DYRK1A: variants seen among roughly 807,000 people sequenced by gnomAD.
The protein encoded by DYRK1A is dual specificity tyrosine-phosphorylation-regulated kinase 1A.
In DYRK1A, 9 loss-of-function variants were observed where a neutral mutation model predicts 79.7. That is an observed-to-expected ratio of 0.11 (90% CI 0.07 to 0.20). DYRK1A has a LOEUF of 0.20. Among genes scored for constraint, DYRK1A ranks in the 10% least tolerant of loss-of-function variants. The pLI, the probability that DYRK1A is intolerant of heterozygous loss-of-function variation, is 1.00. For synonymous variants in DYRK1A, 349 were observed against 329.7 expected (o/e 1.06, Z -0.63); for missense variants, 622 against 956.0 (o/e 0.65, Z 4.61).
At chr21:37,425,179 C>T (rs984507902) in intron 2 of DYRK1A, among the ~76,000 whole-genome samples, 4 of 152,138 alleles carry the variant, frequency 2.6e-5, no homozygotes, top group African/African-American at 4.8e-5. Context: ...TCCTGAAGGT[C>T]AGGGGGTTAA....
At chr21:37,369,680 G>A (rs1028634612) in intron 1 of DYRK1A, among the ~76,000 whole-genome samples, 2 of 152,206 alleles carry the variant, frequency 1.3e-5, no homozygotes, top group African/African-American at 4.8e-5. Flanking sequence ...GCGCCATGAA[G>A]GCACACTCCT....
rs897659985 is a variant in DYRK1A at position 37,366,940 on chromosome 21, C to A, written c.-765C>A. The A allele has an allele frequency of 1.3e-5, 2 of 156,422 alleles. No individual in the cohort carries two copies. The highest frequency in any genetic ancestry group is 6.5e-5 in the Admixed American group (1 of 15,324). 9.7% of individuals were successfully genotyped at this position (156,422 alleles called of 1,614,324 possible). On this transcript the variant is annotated 5_prime_UTR_variant, in exon 1 of 12. Coordinates refer to ENST00000647188, the MANE Select transcript of DYRK1A (RefSeq NM_001347721.2). Reference sequence around the variant, plus strand: ...TGCTGTCGCTGCTGCTGATCGCGGCCCAGGTCGGCCTCAGAGAGCGGACAC... The same window carrying A: ...TGCTGTCGCTGCTGCTGATCGCGGCACAGGTCGGCCTCAGAGAGCGGACAC...
chr21:37,518,138 TCAAA>T lies in DYRK1A; in HGVS notation c.*5610_*5613del, dbSNP rs2053899416. On this transcript the variant is annotated 3_prime_UTR_variant, in exon 12 of 12. Transcript: ENST00000647188. ...CAAGTGATCCTCCAGCCTGGGCCTC[TCAAA>T]CATAAATAGGCTGGGCGTGGTGGCT... 1 of 152,212 alleles carries T rather than the reference TCAAA, an allele frequency of 6.6e-6. No homozygotes were observed. Among genetic ancestry groups the T allele is most frequent in the Non-Finnish European group, 1.5e-5 (1 of 68,070 alleles). 9.4% of individuals were successfully genotyped at this position (152,212 alleles called of 1,614,324 possible).
intron 1 of DYRK1A, among the ~76,000 whole-genome samples, chr21:37,403,588 C>A (rs1004147184): frequency 2.0e-5 from 3 of 150,944 alleles, no homozygotes; most frequent in Admixed American, 1.3e-4. Context: ...ACTTCAGCCT[C>A]CTGAATAACT....
At chr21:37,384,132 C>T (rs980843214) in intron 1 of DYRK1A, among the ~76,000 whole-genome samples, 11 of 152,060 alleles carry the variant, frequency 7.2e-5, no homozygotes, top group African/African-American at 2.7e-4. Context: ...GATAAAGCCA[C>T]GTGGCCCCAC....
chr21:37,457,836 T>A (rs963066242), intron 2 of DYRK1A, among the ~76,000 whole-genome samples: 1 of 152,148 alleles, frequency 6.6e-6, no homozygotes, highest in African/African-American at 2.4e-5. Flanking sequence ...AAAAAGTTAA[T>A]TTTTTTCCCC....
intron 2 of DYRK1A, among the ~76,000 whole-genome samples, chr21:37,468,470 G>A (rs1238426925): frequency 6.6e-6 from 1 of 152,156 alleles, no homozygotes; most frequent in Non-Finnish European, 1.5e-5. Flanking sequence ...TAAAGCTATT[G>A]TAATTTAGGT....
At chr21:37,377,150 C>A (rs923408704) in intron 1 of DYRK1A, among the ~76,000 whole-genome samples, 2 of 152,166 alleles carry the variant, frequency 1.3e-5, no homozygotes, top group African/African-American at 4.8e-5. Flanking sequence ...GACGGAGTCT[C>A]GCTCTTTCCC....
intron 2 of DYRK1A, among the ~76,000 whole-genome samples, chr21:37,423,088 A>G (rs1157407918): frequency 6.6e-6 from 1 of 152,136 alleles, no homozygotes; most frequent in African/African-American, 2.4e-5. Flanking sequence ...GAGCTTATGG[A>G]TAACAAATAA....
chr21:37,456,205 T>A (rs2051631203), intron 2 of DYRK1A: 1 of 152,442 alleles, frequency 6.6e-6, no homozygotes, highest in African/African-American at 2.4e-5. Flanking sequence ...GGAATCATGT[T>A]TGGGGAAGAG....
chr21:37,472,182 C>A (rs978532534), intron 2 of DYRK1A, among the ~76,000 whole-genome samples: 4 of 152,102 alleles, frequency 2.6e-5, no homozygotes, highest in African/African-American at 9.7e-5. Flanking sequence ...TTATATCCAA[C>A]CTTTGATTGC....
At chr21:37,401,080 G>T (rs2050043995) in intron 1 of DYRK1A, among the ~76,000 whole-genome samples, 1 of 152,108 alleles carries the variant, frequency 6.6e-6, no homozygotes, top group African/African-American at 2.4e-5. Flanking sequence ...AGAGGTGGAG[G>T]TTGTAGTGAG....
chr21:37,367,794 C>T (rs2049341520), intron 1 of DYRK1A, among the ~76,000 whole-genome samples, 166 bp downstream of exon 1: 1 of 150,798 alleles, frequency 6.6e-6, no homozygotes, highest in African/African-American at 2.4e-5. Flanking sequence ...GAGCCTCAGG[C>T]CGGGTCCCGG....
At chr21:37,460,421 G>C (rs1379501060) in intron 2 of DYRK1A, among the ~76,000 whole-genome samples, 1 of 152,130 alleles carries the variant, frequency 6.6e-6, no homozygotes, top group Non-Finnish European at 1.5e-5. Context: ...TCTCAGAAAT[G>C]TTACTGCGCT....
At chr21:37,411,376 C>T (rs7276033) in intron 1 of DYRK1A, among the ~76,000 whole-genome samples, 1 of 147,842 alleles carries the variant, frequency 6.8e-6, no homozygotes, top group East Asian at 2.0e-4. Flanking sequence ...CCCTCCCCCC[C>T]AAAAAATGAC....
At chr21:37,426,099 T>C (rs1393858839) in intron 2 of DYRK1A, among the ~76,000 whole-genome samples, 1 of 152,086 alleles carries the variant, frequency 6.6e-6, no homozygotes, top group African/African-American at 2.4e-5. Flanking sequence ...CTGCTGGGGA[T>C]AGAATCCACA....
intron 2 of DYRK1A, among the ~76,000 whole-genome samples, chr21:37,470,275 T>C (rs1400153356): frequency 6.6e-6 from 1 of 152,218 alleles, no homozygotes; most frequent in Non-Finnish European, 1.5e-5. Flanking sequence ...CTGGCCATTT[T>C]TTCCCCGTTT....
chr21:37,377,772 G>C (rs1366659491), intron 1 of DYRK1A, among the ~76,000 whole-genome samples: 2 of 152,138 alleles, frequency 1.3e-5, no homozygotes, highest in South Asian at 2.1e-4. Context: ...TGTTCTTAAT[G>C]GTCGGAAAGT....
At chr21:37,383,318 A>G (rs2049696070) in intron 1 of DYRK1A, among the ~76,000 whole-genome samples, 1 of 152,224 alleles carries the variant, frequency 6.6e-6, no homozygotes, top group South Asian at 2.1e-4. Context: ...TTTGGTCTTC[A>G]CTGGACCATA....
Sources: allele counts gnomAD v4.1 joint callset (sites outside exome capture counted in the v4.1 genomes callset), GRCh38; gene constraint gnomAD v4.1.1; transcripts MANE v1.5; gene names NCBI Gene and HGNC (gene_info 2026-07-23, HGNC 2026-07-21).